Variants in LYZL1 observed in about 807,000 individuals in gnomAD.
LYZL1 encodes the protein lysozyme-like protein 1.
In LYZL1, 16 loss-of-function variants were observed where a neutral mutation model predicts 17.9. The ratio of observed to expected loss-of-function variants is 0.90; its 90% CI spans 0.61 to 1.36. The LOEUF is 1.36. Ranked by LOEUF, LYZL1 falls within the 40% of genes most tolerant of loss-of-function variation. The pLI is 0.00. For missense variants in LYZL1, 149 were observed against 188.4 expected (o/e 0.79, Z 1.22); for synonymous variants, 58 against 71.8 (o/e 0.81, Z 0.97).
intron 2 of LYZL1, 59 bp from the exon 3 acceptor site, chr10:29,292,460 C>T (rs1190007970): frequency 4.8e-5 from 76 of 1,588,792 alleles, no homozygotes; most frequent in Non-Finnish European, 2.6e-6. Context: ...GCCCTCAGAC[C>T]AAGCTTAGAG....
exon 5 of LYZL1, chr10:29,318,249 C>A: frequency 1.1e-6 from 1 of 947,564 alleles, no homozygotes; most frequent in Non-Finnish European, 1.3e-6. Context: ...CAACATAATT[C>A]TTGGTGAGGA....
At chr10:29,313,100 G>A (rs928115672), downstream of LYZL1, among the ~76,000 whole-genome samples, 26 of 151,964 alleles carry the variant, frequency 1.7e-4, no homozygotes, top group African/African-American at 5.3e-4. Context: ...ACGCCTAACC[G>A]CTACTTGCCT....
chr10:29,311,583 A>T (rs1835673377), downstream of LYZL1, among the ~76,000 whole-genome samples: 1 of 152,194 alleles, frequency 6.6e-6, no homozygotes, highest in African/African-American at 2.4e-5. Flanking sequence ...GGCAACTGAG[A>T]TTCACTGTTT....
Position 29,296,350 on chromosome 10 carries a change from A to G in LYZL1, c.298+3673A>G, listed in dbSNP as rs574711674. ...GCTGAGAAGCAAACACAGAACCAAC[A>G]ACAACAACAACAACAAAAAGCTCTG... On this transcript the variant is annotated intron_variant, in intron 3 of 4. Coordinates refer to ENST00000649382, the MANE Select transcript of LYZL1 (RefSeq NM_032517.6). Among the ~76,000 whole-genome samples, 10 of 152,288 alleles carry G rather than the reference A, an allele frequency of 6.6e-5. No individual in the cohort carries two copies. The South Asian group carries it at 1.7e-3, about 25-fold the overall frequency.
chr10:29,289,587 T>A (rs932058253), intron 1 of LYZL1, among the ~76,000 whole-genome samples: 1 of 151,350 alleles, frequency 6.6e-6, no homozygotes, highest in African/African-American at 2.4e-5. Flanking sequence ...CCTGGCTAAT[T>A]TTTGTATATT....
At chr10:29,293,140 T>C (rs1835400109) in intron 3 of LYZL1, among the ~76,000 whole-genome samples, 1 of 144,602 alleles carries the variant, frequency 6.9e-6, no homozygotes, top group African/African-American at 2.5e-5. Flanking sequence ...TTTTCTTTTT[T>C]TTTTTTTTTT....
intron 4 of LYZL1, among the ~76,000 whole-genome samples, chr10:29,310,563 AT>A: frequency 6.6e-6 from 1 of 152,096 alleles, no homozygotes; most frequent in Non-Finnish European, 1.5e-5. Context: ...TTACAGCAAC[AT>A]TTTGCAGGGA....
At chr10:29,291,722 G>C (rs1484549421) in intron 1 of LYZL1, 121 bp from the exon 2 acceptor site, 1 of 1,166,856 alleles carries the variant, frequency 8.6e-7, no homozygotes, top group Non-Finnish European at 1.2e-6. Flanking sequence ...TTTCCCTGAT[G>C]GTGGCACTGA....
chr10:29,298,706 T>G (rs7090211), intron 3 of LYZL1, among the ~76,000 whole-genome samples: 38,618 of 151,848 alleles, frequency 0.25, 5,084 homozygotes, highest in East Asian at 0.33. Flanking sequence ...CCCAGCCTGA[T>G]TGTGAAGGAT....
intron 3 of LYZL1, among the ~76,000 whole-genome samples, chr10:29,307,011 C>T (rs191717848): frequency 1.3e-5 from 2 of 152,072 alleles, no homozygotes; most frequent in African/African-American, 4.8e-5. Flanking sequence ...CATGCCACCA[C>T]GCCTGGCTAA....
intron 3 of LYZL1, among the ~76,000 whole-genome samples, chr10:29,308,982 A>G (rs924204093): frequency 1.3e-5 from 2 of 151,754 alleles, no homozygotes; most frequent in African/African-American, 4.8e-5. Flanking sequence ...AGGAAAAGTA[A>G]TAAAGATAGA....
chr10:29,299,342 A>G (rs1384999125), intron 3 of LYZL1, among the ~76,000 whole-genome samples: 1 of 152,016 alleles, frequency 6.6e-6, no homozygotes, highest in African/African-American at 2.4e-5. Context: ...GACCTCTAAT[A>G]TGTCTTTAAT....
chr10:29,312,278 C>G (rs1012440809), downstream of LYZL1, among the ~76,000 whole-genome samples: 1 of 152,156 alleles, frequency 6.6e-6, no homozygotes, highest in Admixed American at 6.5e-5. Context: ...CTGCTTAAAT[C>G]AAGCTTGTCA....
chr10:29,299,072 G>A (rs754375727), intron 3 of LYZL1, among the ~76,000 whole-genome samples: 8 of 152,258 alleles, frequency 5.3e-5, no homozygotes, highest in South Asian at 2.1e-4. Context: ...CATAAGGACC[G>A]TGCAACCTAG....
At chr10:29,301,479 T>C (rs1835517715) in intron 3 of LYZL1, among the ~76,000 whole-genome samples, 1 of 152,188 alleles carries the variant, frequency 6.6e-6, no homozygotes, top group Admixed American at 6.5e-5. Context: ...CTGTGAGTAA[T>C]CATGCTCAGC....
At chr10:29,289,933 A>G (rs56828223) in intron 1 of LYZL1, among the ~76,000 whole-genome samples, 3,788 of 152,346 alleles carry the variant, frequency 0.025, 88 homozygotes, top group South Asian at 0.084. Context: ...CTATGTTTCA[A>G]TAAAACTTTA....
chr10:29,296,410 A>C (rs1169862664), intron 3 of LYZL1, among the ~76,000 whole-genome samples: 1 of 152,242 alleles, frequency 6.6e-6, no homozygotes, highest in Non-Finnish European at 1.5e-5. Context: ...GGAAGTTAGA[A>C]TGAAGACAGA....
downstream of LYZL1, among the ~76,000 whole-genome samples, chr10:29,315,928 C>T (rs1356448416): frequency 1.3e-5 from 2 of 152,206 alleles, no homozygotes; most frequent in Non-Finnish European, 2.9e-5. Flanking sequence ...TGCTCAGCCC[C>T]CCGGTGATGC....
At chr10:29,292,346 C>T (rs185573026) in intron 2 of LYZL1, among the ~76,000 whole-genome samples, 173 bp from the exon 3 acceptor site, 59 of 152,146 alleles carry the variant, frequency 3.9e-4, no homozygotes, top group South Asian at 3.3e-3. Flanking sequence ...TGTGCCATCC[C>T]AGCCCCCGAT....
Sources: gnomAD v4.1 joint callset for allele counts (sites outside exome capture counted in the v4.1 genomes callset) on GRCh38, gnomAD v4.1.1 for gene constraint, MANE v1.5 for transcripts, NCBI Gene and HGNC (gene_info 2026-07-23, HGNC 2026-07-21) for gene names.